The following HIF1AN variants were observed in gnomAD, a reference collection of about 807,000 sequenced individuals.
The protein encoded by HIF1AN is hypoxia-inducible factor 1-alpha inhibitor.
A neutral mutation model predicts 47.7 loss-of-function variants in HIF1AN; 21 were observed. The observed-to-expected ratio is 0.44, with a 90% CI of 0.31 to 0.63. The LOEUF (loss-of-function observed/expected upper bound fraction) is 0.63, where lower values mean the gene tolerates loss of function less well. HIF1AN is among the 30% of genes least tolerant of loss of function. The pLI is 0.07. For synonymous variants in HIF1AN, 152 were observed against 155.9 expected (o/e 0.98, Z 0.18); for missense variants, 320 against 432.7 (o/e 0.74, Z 2.31).
chr10:100,545,872 C>G (rs1205117097), intron 4 of HIF1AN, 71 bp from the exon 5 acceptor site: 4 of 916,378 alleles, frequency 4.4e-6, no homozygotes, highest in African/African-American at 1.7e-5. Flanking sequence ...TACTGCCAAA[C>G]TGGCATATAG....
At chr10:100,536,183 T>G (rs913636114) in intron 1 of HIF1AN, 48 bp downstream of exon 1, 14 of 1,531,724 alleles carry the variant, frequency 9.1e-6, no homozygotes, top group Non-Finnish European at 1.1e-5. Context: ...GGTACCCGGT[T>G]GAGAGGTCAG....
rs945192519 is a variant in HIF1AN, at chr10:100,550,746, G to C, written c.*2609G>C. ...TTCTGTGTCTAATTGCATTACTTATGTGTCCTTGAATAGGACCCATAACTC... is the reference window on the plus strand; with the variant it reads ...TTCTGTGTCTAATTGCATTACTTATCTGTCCTTGAATAGGACCCATAACTC... On this transcript the variant is annotated 3_prime_UTR_variant, in exon 8 of 8. Transcript: ENST00000299163. 6.6e-6 allele frequency: 1 copy of C among 152,142 alleles called. No homozygotes were observed. Among genetic ancestry groups the C allele is most frequent in the Admixed American group, 6.5e-5 (1 of 15,282 alleles). 9.4% of individuals were successfully genotyped at this position (152,142 alleles called of 1,614,324 possible).
In HIF1AN at chr10:100,555,290, T is replaced by C. The variant is rs1031132355; in HGVS notation, c.*7153T>C. 1.3e-5 allele frequency: 2 copies of C among 152,256 alleles called. No homozygotes were observed. Among genetic ancestry groups the C allele is most frequent in the African/African-American group, 4.8e-5 (2 of 41,466 alleles). 9.4% of individuals were successfully genotyped at this position (152,256 alleles called of 1,614,324 possible). On this transcript the variant is annotated 3_prime_UTR_variant, in exon 8 of 8. Coordinates refer to ENST00000299163, the MANE Select transcript of HIF1AN (RefSeq NM_017902.3). ...GAAAGTCTTGGTTGCTGGCTCAGATTTGTCCTGGAGTGGACGTAGATTGGA... is the reference window on the plus strand; with the variant it reads ...GAAAGTCTTGGTTGCTGGCTCAGATCTGTCCTGGAGTGGACGTAGATTGGA...
chr10:100,543,404 G>A (rs1475768063), intron 3 of HIF1AN, among the ~76,000 whole-genome samples: 3 of 152,040 alleles, frequency 2.0e-5, no homozygotes, highest in East Asian at 3.9e-4. Context: ...TATGTTGCCC[G>A]GACTGGTCTC....
intron 7 of HIF1AN, 141 bp from the exon 8 acceptor site, chr10:100,547,952 A>G: frequency 1.4e-6 from 1 of 739,064 alleles, no homozygotes; most frequent in South Asian, 1.6e-5. Context: ...TCAGGAAGAT[A>G]GGTGATTAGA....
At chr10:100,545,767 T>G (rs942087123) in intron 4 of HIF1AN, among the ~76,000 whole-genome samples, 176 bp from the exon 5 acceptor site, 1 of 152,240 alleles carries the variant, frequency 6.6e-6, no homozygotes, top group African/African-American at 2.4e-5. Context: ...TATTGTTCTC[T>G]CTCAGGGTTT....
rs71891071 is a variant in HIF1AN, at chr10:100,555,952, TG to T, written c.*7817del. The T allele has an allele frequency of 0.24, 36,226 of 152,108 alleles. 4,632 individuals are homozygous for T. Among genetic ancestry groups the T allele is most frequent in the African/African-American group, 0.32 (13,424 of 41,436 alleles). 9.4% of individuals were successfully genotyped at this position (152,108 alleles called of 1,614,324 possible). On this transcript the variant is annotated 3_prime_UTR_variant, in exon 8 of 8. Coordinates refer to ENST00000299163, the MANE Select transcript of HIF1AN (RefSeq NM_017902.3). ...GCCATTCTGCATGACTTTGGGCAAA[TG>T]GACAAACTGCCCGAAACTTGACTTG... is the stretch of plus-strand genomic sequence containing the variant.
chr10:100,538,692 G>A (rs1317515533), intron 2 of HIF1AN, among the ~76,000 whole-genome samples: 1 of 151,762 alleles, frequency 6.6e-6, no homozygotes, highest in Non-Finnish European at 1.5e-5. Context: ...ATGGTGGCAC[G>A]TGCCTGTAGT....
Position 100,556,746 on chromosome 10 carries a change from GTAA to G in HIF1AN, c.*8610_*8612del, listed in dbSNP as rs1272589189. 2.0e-5 allele frequency: 3 copies of G among 152,236 alleles called. No homozygotes were observed. The highest frequency in any genetic ancestry group is 2.0e-4 in the Admixed American group (3 of 15,286). The allele number at this position is 152,236 out of a possible 1,614,324, so 9.4% of individuals were successfully genotyped here. A position where few individuals can be genotyped will look rare whatever the true frequency, so the allele number is the denominator to read the frequency against. On this transcript the variant is annotated 3_prime_UTR_variant, in exon 8 of 8. Coordinates refer to ENST00000299163, the MANE Select transcript of HIF1AN (RefSeq NM_017902.3). ...TGCCACTAGCTAATTCTAACCTTAGGTAAGTCAGTGTCTCTGGGTCTCAACCTC... is the reference window on the plus strand; with the variant it reads ...TGCCACTAGCTAATTCTAACCTTAGGGTCAGTGTCTCTGGGTCTCAACCTC...
intron 3 of HIF1AN, among the ~76,000 whole-genome samples, chr10:100,543,857 C>T (rs11190607): frequency 0.2 from 30,816 of 152,166 alleles, 3,235 homozygotes; most frequent in South Asian, 0.23. Context: ...AGGCGTGAGC[C>T]GCTGCGCCCG....
intron 6 of HIF1AN, among the ~76,000 whole-genome samples, chr10:100,546,915 T>A (rs937113893): frequency 6.6e-6 from 1 of 152,048 alleles, no homozygotes; most frequent in Non-Finnish European, 1.5e-5. Context: ...AATTTTTGTA[T>A]CTTTAGTAGA....
In HIF1AN at chr10:100,557,638, T is replaced by G. The variant is rs1843225289; in HGVS notation, c.*9501T>G. On this transcript the variant is annotated 3_prime_UTR_variant, in exon 8 of 8. Transcript: ENST00000299163. Reference sequence around the variant, plus strand: ...TTTGTATTTTTAGTAGAGATGGGGTTTCTCCATGTTGGTCAGGCTGGTCTC... The same window carrying G: ...TTTGTATTTTTAGTAGAGATGGGGTGTCTCCATGTTGGTCAGGCTGGTCTC... 2 of 152,194 alleles carry G rather than the reference T, an allele frequency of 1.3e-5. No individual in the cohort carries two copies. The highest frequency in any genetic ancestry group is 6.5e-5 in the Admixed American group (1 of 15,270). 9.4% of individuals were successfully genotyped at this position (152,194 alleles called of 1,614,324 possible).
rs1261887330 is a variant in HIF1AN at position 100,552,942 on chromosome 10, C to T, written c.*4805C>T. On this transcript the variant is annotated 3_prime_UTR_variant, in exon 8 of 8. Transcript: ENST00000299163. Reference sequence around the variant, plus strand: ...TCTTCAGCCATCTTGGTTTAATCCTCATAGGTCATGGATGAATGGAGCCTT... The same window carrying T: ...TCTTCAGCCATCTTGGTTTAATCCTTATAGGTCATGGATGAATGGAGCCTT... 1 of 152,154 alleles carries T rather than the reference C, an allele frequency of 6.6e-6. No homozygotes were observed. Among genetic ancestry groups the T allele is most frequent in the Non-Finnish European group, 1.5e-5 (1 of 68,190 alleles). The allele number at this position is 152,154 out of a possible 1,614,324, so 9.4% of individuals were successfully genotyped here. A position where few individuals can be genotyped will look rare whatever the true frequency, so the allele number is the denominator to read the frequency against.
In HIF1AN at chr10:100,536,453, C is replaced by T. The variant is rs956363280; in HGVS notation, c.220C>T (p.Leu74=). Residue 74 remains leucine (L), a synonymous_variant, in exon 2 of 8, where the codon CTG becomes TTG. Transcript: ENST00000299163. ...LTDTNLVYPA[L]KWDLEYLQEN... The stretch of plus-strand genomic sequence containing the variant: ...CGACACAAATCTTGTGTATCCTGCC[C>T]TGAAATGGGACCTTGAATACCTGCA... 4.3e-6 allele frequency: 7 copies of T among 1,614,150 alleles called. No individual in the cohort carries two copies. Among genetic ancestry groups the T allele is most frequent in the Non-Finnish European group, 5.9e-6 (7 of 1,180,032 alleles).
At position 100,541,647 on chromosome 10, in the gene HIF1AN, G is replaced by A. The variant is rs571436884; in HGVS notation, c.577+865G>A. ...CCCAAGTAGCTGACACTACAGGCGT[G>A]TGCCACCATACCCGGCTTATGTCGA... On this transcript the variant is annotated intron_variant, in intron 3 of 7. Coordinates refer to ENST00000299163, the MANE Select transcript of HIF1AN (RefSeq NM_017902.3). Among the ~76,000 whole-genome samples the A allele has an allele frequency of 2.0e-4, 30 of 152,228 alleles. 1 individual carries two copies. In the South Asian group the frequency reaches 6.0e-3, roughly 30 times the overall value.
chr10:100,552,239 A>G lies in HIF1AN; in HGVS notation c.*4102A>G, dbSNP rs1317543959. ...ATGCAGTGAGTGCCTTAGAGGATCC[A>G]AGGATGAAGGAATGCGGGTTGGTGG... On this transcript the variant is annotated 3_prime_UTR_variant, in exon 8 of 8. Coordinates refer to ENST00000299163, the MANE Select transcript of HIF1AN (RefSeq NM_017902.3). 6.6e-6 allele frequency: 1 copy of G among 152,250 alleles called. No individual in the cohort carries two copies. The highest frequency in any genetic ancestry group is 1.9e-4 in the East Asian group (1 of 5,200). The allele number at this position is 152,250 out of a possible 1,614,324, so 9.4% of individuals were successfully genotyped here.
In HIF1AN at chr10:100,544,943, T is replaced by A. The variant is rs749656436; in HGVS notation, c.578-8T>A. 1 of 1,613,950 alleles carries A rather than the reference T, an allele frequency of 6.2e-7. No homozygotes were observed. The highest frequency in any genetic ancestry group is 1.3e-5 in the African/African-American group (1 of 74,926). On this transcript the variant is annotated splice_polypyrimidine_tract_variant and splice_region_variant and intron_variant, in intron 3 of 7. Coordinates refer to ENST00000299163, the MANE Select transcript of HIF1AN (RefSeq NM_017902.3). ...GCTCTGCATAAGAAAATGCCTTTCT[T>A]CTTACAGGAAATGTGACACCTGCTC...
In HIF1AN at chr10:100,543,370, T is replaced by A. The variant is rs182354837; in HGVS notation, c.578-1581T>A. On this transcript the variant is annotated intron_variant, in intron 3 of 7. Coordinates refer to ENST00000299163, the MANE Select transcript of HIF1AN (RefSeq NM_017902.3). ...ATGCTTGGCTAATTTTTAAAGTATT[T>A]TTCTGTAGAGATGGGGGTCTCCCTA... Among the ~76,000 whole-genome samples, 14 of 152,146 alleles carry A rather than the reference T, an allele frequency of 9.2e-5. No individual in the cohort carries two copies. The East Asian group carries it at 2.7e-3, about 30-fold the overall frequency.
chr10:100,539,502 TC>T (rs1450351190), intron 2 of HIF1AN, among the ~76,000 whole-genome samples: 2 of 152,216 alleles, frequency 1.3e-5, no homozygotes, highest in African/African-American at 4.8e-5. Flanking sequence ...AAGCCAGAGC[TC>T]GGGCTAGAAA....
Sources: allele counts gnomAD v4.1 joint callset (sites outside exome capture counted in the v4.1 genomes callset), GRCh38; gene constraint gnomAD v4.1.1; transcripts MANE v1.5; gene names NCBI Gene and HGNC (gene_info 2026-07-23, HGNC 2026-07-21).